Variants in ANK2 observed in about 807,000 individuals in gnomAD.
ANK2 encodes the protein ankyrin 2.
A neutral mutation model predicts 360.5 loss-of-function variants in ANK2; 83 were observed. That is an observed-to-expected ratio of 0.23 (90% CI 0.19 to 0.28). The LOEUF (loss-of-function observed/expected upper bound fraction) is 0.28, where lower values mean the gene tolerates loss of function less well. ANK2 is among the 10% of genes least tolerant of loss of function. The probability of loss-of-function intolerance (pLI) is 1.00; values close to 1 mark genes in which losing one functional copy is unlikely to be tolerated. For missense variants in ANK2, 4,201 were observed against 4,795.7 expected (o/e 0.88, Z 3.66); for synonymous variants, 1,740 against 1,759.5 (o/e 0.99, Z 0.28).
chr4:113,185,403 A>T (rs957310201), intron 2 of ANK2, among the ~76,000 whole-genome samples: 1 of 152,216 alleles, frequency 6.6e-6, no homozygotes, highest in Non-Finnish European at 1.5e-5. Context: ...AGTGATAGCC[A>T]TTCTAACTGG....
intron 2 of ANK2, among the ~76,000 whole-genome samples, chr4:113,000,031 T>C (rs2050057411): frequency 6.6e-6 from 1 of 152,204 alleles, no homozygotes; most frequent in South Asian, 2.1e-4. Flanking sequence ...TTTTATTTTA[T>C]GTGCATGGGA....
chr4:113,068,600 A>G (rs2076420076), intron 1 of ANK2, among the ~76,000 whole-genome samples: 1 of 152,238 alleles, frequency 6.6e-6, no homozygotes, highest in East Asian at 1.9e-4. Context: ...ATAAGGATAA[A>G]GAGAATGATT....
chr4:113,154,110 G>A (rs1450041920), intron 1 of ANK2, among the ~76,000 whole-genome samples: 1 of 152,134 alleles, frequency 6.6e-6, no homozygotes, highest in African/African-American at 2.4e-5. Flanking sequence ...TGGGACATGT[G>A]GGAATGGAGG....
Position 113,381,716 on chromosome 4 carries a change from C to T in ANK2, c.*245C>T. ...CTTCCTGTTTCAGTAGGGGAGTGAC[C>T]TAACTGGCCTAATTAATGGGATACC... is the stretch of plus-strand genomic sequence containing the variant. On this transcript the variant is annotated 3_prime_UTR_variant, in exon 46 of 46. Transcript: ENST00000357077. 4 of 1,443,628 alleles carry T rather than the reference C, an allele frequency of 2.8e-6. No individual in the cohort carries two copies. Among genetic ancestry groups the T allele is most frequent in the Non-Finnish European group, 2.8e-6 (3 of 1,069,100 alleles). The allele number at this position is 1,443,628 out of a possible 1,614,324, so 89.4% of individuals were successfully genotyped here. A position where few individuals can be genotyped will look rare whatever the true frequency, so the allele number is the denominator to read the frequency against.
intron 2 of ANK2, among the ~76,000 whole-genome samples, chr4:112,981,480 C>T (rs1325510465): frequency 6.6e-6 from 1 of 152,258 alleles, no homozygotes; most frequent in Non-Finnish European, 1.5e-5. Flanking sequence ...GGAATGAAAG[C>T]GACCTTGCAG....
chr4:112,798,657 C>A, the ANK2 span: 1 of 152,304 alleles, frequency 6.6e-6, no homozygotes, highest in Non-Finnish European at 1.5e-5. Context: ...TGCTTGATAA[C>A]TTTGTGTAAA....
In ANK2 at chr4:113,355,456, C is replaced by A; in HGVS notation, c.6838C>A (p.Pro2280Thr). ...TTEIRSEKEH[P>T]TTKDITGGSE... ...AGAAATTCGTTCAGAAAAAGAGCAT[C>A]CCACGACCAAAGACATTACTGGTGG... Residue 2280 changes from proline to threonine, a missense_variant, in exon 38 of 46, where the codon CCC becomes ACC. This residue lies in a region of ANK2 where 2,642 missense variants were observed against 2,714.5 expected (regional missense o/e 0.97). Transcript: ENST00000357077. 1 of 1,613,966 alleles carries A rather than the reference C, an allele frequency of 6.2e-7. No individual in the cohort carries two copies. The highest frequency in any genetic ancestry group is 2.2e-5 in the East Asian group (1 of 44,862).
the ANK2 span, among the ~76,000 whole-genome samples, chr4:112,763,983 G>A: frequency 2.0e-5 from 3 of 152,050 alleles, no homozygotes; most frequent in African/African-American, 7.2e-5. Flanking sequence ...TGGCTCTGTC[G>A]TCCAGGCTGG....
the ANK2 span, among the ~76,000 whole-genome samples, chr4:112,780,767 C>T: frequency 1.4e-4 from 22 of 152,024 alleles, no homozygotes; most frequent in Non-Finnish European, 2.6e-4. Flanking sequence ...CATCTGATCT[C>T]GTGAGAACTC....
the ANK2 span, among the ~76,000 whole-genome samples, chr4:112,715,851 A>G: frequency 2.6e-5 from 4 of 152,232 alleles, no homozygotes; most frequent in Admixed American, 1.3e-4. Context: ...GCAGCTATGG[A>G]GGTGGAGGTT....
the ANK2 span, among the ~76,000 whole-genome samples, chr4:112,810,309 G>T: frequency 4.6e-5 from 7 of 151,116 alleles, no homozygotes; most frequent in African/African-American, 1.7e-4. Context: ...GCCAAATAAA[G>T]ATTTTTTTCT....
intron 22 of ANK2, among the ~76,000 whole-genome samples, chr4:113,294,636 CAG>C (rs2070024627): frequency 6.6e-6 from 1 of 152,174 alleles, no homozygotes; most frequent in Non-Finnish European, 1.5e-5. Context: ...CAGTTTTAAG[CAG>C]AGTGGCCTAT....
At chr4:112,831,226 A>G (rs756770799) in intron 1 of ANK2, among the ~76,000 whole-genome samples, 34 of 152,350 alleles carry the variant, frequency 2.2e-4, no homozygotes, top group South Asian at 4.1e-4. Flanking sequence ...AGCTCTGCCC[A>G]CGGCCCTGGT....
intron 1 of ANK2, among the ~76,000 whole-genome samples, chr4:113,062,798 G>A (rs755199437): frequency 6.6e-6 from 1 of 152,054 alleles, no homozygotes; most frequent in Non-Finnish European, 1.5e-5. Flanking sequence ...AAGCACAGCT[G>A]TCTAGTAAAC....
At chr4:113,181,245 G>T (rs924305199) in intron 2 of ANK2, among the ~76,000 whole-genome samples, 12 of 152,096 alleles carry the variant, frequency 7.9e-5, no homozygotes, top group Admixed American at 2.0e-4. Flanking sequence ...AGTACTCTCC[G>T]CAGTGGTTTA....
chr4:112,802,629 C>T, the ANK2 span, among the ~76,000 whole-genome samples: 1 of 150,192 alleles, frequency 6.7e-6, no homozygotes, highest in Non-Finnish European at 1.5e-5. Context: ...CACAAAGCAA[C>T]TTACTTTTAT....
intron 1 of ANK2, among the ~76,000 whole-genome samples, chr4:113,072,683 TG>T (rs1475288784): frequency 6.6e-6 from 1 of 151,500 alleles, no homozygotes. Context: ...AAAATGTGAG[TG>T]TAATAAATTA....
intron 1 of ANK2, among the ~76,000 whole-genome samples, chr4:113,133,759 C>T (rs1239858649): frequency 6.6e-6 from 1 of 151,696 alleles, no homozygotes; most frequent in East Asian, 1.9e-4. Context: ...TTCAGCAACA[C>T]CATGAGGTAG....
intron 1 of ANK2, among the ~76,000 whole-genome samples, chr4:112,829,991 C>CA (rs1560695924): frequency 6.6e-6 from 1 of 151,642 alleles, no homozygotes; most frequent in Non-Finnish European, 1.5e-5. Context: ...AAAAAAAAGT[C>CA]AAAAAATAAC....
Sources: gnomAD v4.1 joint callset for allele counts (sites outside exome capture counted in the v4.1 genomes callset) on GRCh38, gnomAD v4.1.1 for gene constraint, gnomAD v4.1.1 regional missense constraint, MANE v1.5 for transcripts, NCBI Gene and HGNC (gene_info 2026-07-23, HGNC 2026-07-21) for gene names.